The following ARSG variants were observed in gnomAD, a reference collection of about 807,000 sequenced individuals.
ARSG encodes arylsulfatase G, also known as ASG.
Under a neutral mutation model 50.5 loss-of-function variants are expected in ARSG, and 37 were observed. The observed-to-expected ratio is 0.73, with a 90% CI of 0.56 to 0.96. The LOEUF is 0.96. Among genes scored for constraint, ARSG ranks in the 50% least tolerant of loss-of-function variants. ARSG has a pLI of 0.00. For synonymous variants in ARSG, 225 were observed against 254.6 expected (o/e 0.88, Z 1.11); for missense variants, 629 against 675.3 (o/e 0.93, Z 0.76).
At chr17:68,437,424 A>G in the ARSG span, among the ~76,000 whole-genome samples, 2 of 151,862 alleles carry the variant, frequency 1.3e-5, no homozygotes, top group South Asian at 2.1e-4. Flanking sequence ...GTGTGGTTGC[A>G]TGTGCCTGTA....
chr17:68,356,844 T>C (rs1463506285), intron 6 of ARSG, 40 bp downstream of exon 6: 2 of 1,612,136 alleles, frequency 1.2e-6, no homozygotes, highest in East Asian at 2.2e-5. Context: ...TCCCCCTGCC[T>C]CCACCTACCC....
intron 2 of ARSG, among the ~76,000 whole-genome samples, chr17:68,337,769 C>T (rs1194135962): frequency 1.3e-5 from 2 of 151,896 alleles, no homozygotes; most frequent in Admixed American, 1.3e-4. Flanking sequence ...AGGCATGTGC[C>T]ACCACGCCCG....
chr17:68,395,059 T>C lies in ARSG; in HGVS notation c.1092-14T>C. The C allele has an allele frequency of 1.2e-6, 2 of 1,613,458 alleles. No individual in the cohort carries two copies. The highest frequency in any genetic ancestry group is 2.2e-5 in the South Asian group (2 of 91,006). On this transcript the variant is annotated splice_polypyrimidine_tract_variant and intron_variant, in intron 9 of 11. Coordinates refer to ENST00000621439, the MANE Select transcript of ARSG (RefSeq NM_001267727.2). ...AGAAGAGCTGGGGACAACTCAGTCTTGTTATTTCCGCAGCGTGCTGGACAT... is the reference window on the plus strand; with the variant it reads ...AGAAGAGCTGGGGACAACTCAGTCTCGTTATTTCCGCAGCGTGCTGGACAT...
At chr17:68,388,550 A>C (rs1248967121) in intron 9 of ARSG, among the ~76,000 whole-genome samples, 1 of 152,168 alleles carries the variant, frequency 6.6e-6, no homozygotes, top group Non-Finnish European at 1.5e-5. Context: ...TCTGCTCCGA[A>C]TGAGGATCGA....
At chr17:68,434,636 A>C in the ARSG span, 3 of 1,613,886 alleles carry the variant, frequency 1.9e-6, no homozygotes, top group Non-Finnish European at 2.5e-6. Context: ...CCTGGAAAAG[A>C]AAGCAGGTGG....
At chr17:68,364,768 G>A (rs1314897433) in intron 6 of ARSG, among the ~76,000 whole-genome samples, 2 of 152,200 alleles carry the variant, frequency 1.3e-5, no homozygotes, top group Non-Finnish European at 2.9e-5. Flanking sequence ...GAAAACAAAA[G>A]TGGAGTCACA....
At chr17:68,441,696 C>T in the ARSG span, among the ~76,000 whole-genome samples, 2 of 152,166 alleles carry the variant, frequency 1.3e-5, no homozygotes, top group African/African-American at 4.8e-5. Flanking sequence ...ACAGGGCGGA[C>T]CCACCTTTGC....
At chr17:68,439,917 C>T in the ARSG span, among the ~76,000 whole-genome samples, 1 of 152,130 alleles carries the variant, frequency 6.6e-6, no homozygotes, top group Non-Finnish European at 1.5e-5. Context: ...GAGAGCTAAG[C>T]AGTCTTGGAG....
intron 2 of ARSG, among the ~76,000 whole-genome samples, chr17:68,317,350 G>A (rs1555768886): frequency 6.6e-6 from 1 of 152,156 alleles, no homozygotes. Context: ...GGCCGAGAGA[G>A]ACGAAGTGTT....
chr17:68,385,942 G>A (rs1429439417), intron 9 of ARSG, among the ~76,000 whole-genome samples: 2 of 152,140 alleles, frequency 1.3e-5, no homozygotes, highest in Admixed American at 1.3e-4. Flanking sequence ...GGCCATTAGG[G>A]AAATAATGAA....
intron 2 of ARSG, among the ~76,000 whole-genome samples, chr17:68,338,980 T>A (rs537850232): frequency 6.6e-6 from 1 of 152,360 alleles, no homozygotes; most frequent in East Asian, 1.9e-4. Flanking sequence ...ATCCCTTTGT[T>A]ATAAATCAGT....
the ARSG span, among the ~76,000 whole-genome samples, chr17:68,451,257 C>T: frequency 6.6e-5 from 10 of 152,310 alleles, no homozygotes; most frequent in African/African-American, 2.2e-4. Context: ...ATGGCGAAAC[C>T]CCATCTCTAC....
chr17:68,273,952 C>T, intron 1 of ARSG: 1 of 1,614,146 alleles, frequency 6.2e-7, no homozygotes. Flanking sequence ...TGGCGACGTA[C>T]ATATGAGAAA....
In ARSG at chr17:68,356,653, T is replaced by C. The variant is rs1415932144; in HGVS notation, c.567-14T>C. The C allele has an allele frequency of 1.2e-6, 2 of 1,614,208 alleles. No individual in the cohort carries two copies. The highest frequency in any genetic ancestry group is 3.3e-5 in the Admixed American group (2 of 60,032). ...TAGGAAATGAATACTCTATGGTCTGTGGTTTCCACACAGGAACCTTCAAAG... is the reference window on the plus strand; with the variant it reads ...TAGGAAATGAATACTCTATGGTCTGCGGTTTCCACACAGGAACCTTCAAAG... On this transcript the variant is annotated splice_polypyrimidine_tract_variant and intron_variant, in intron 5 of 11. Transcript: ENST00000621439.
In ARSG at chr17:68,356,594, G is replaced by T. The variant is rs1413418109; in HGVS notation, c.567-73G>T. The T allele has an allele frequency of 1.9e-6, 3 of 1,548,114 alleles. No individual in the cohort carries two copies. The African/African-American group carries it at 4.1e-5, about 21-fold the overall frequency. ...TGTATTTATGTGCATATGCATTGTTGCATTAAAGCATTTAGTTCTGCTCCG... is the reference window on the plus strand; with the variant it reads ...TGTATTTATGTGCATATGCATTGTTTCATTAAAGCATTTAGTTCTGCTCCG... On this transcript the variant is annotated intron_variant, in intron 5 of 11. Transcript: ENST00000621439.
intron 2 of ARSG, among the ~76,000 whole-genome samples, chr17:68,313,683 C>T (rs11651513): frequency 0.8 from 101,035 of 127,006 alleles, 40,822 homozygotes; most frequent in Middle Eastern, 0.87. Flanking sequence ...CTCTCTCTCT[C>T]TTTTTTTTTT....
At position 68,338,431 on chromosome 17, in the gene ARSG, C is replaced by G. The variant is rs144180614; in HGVS notation, c.219-5173C>G. On this transcript the variant is annotated intron_variant, in intron 2 of 11. Transcript: ENST00000621439. ...TGGAGTGGGCGAGTCTCCCCTGCCCCTTCCCTTCAACTTTCAAGACAAGCT... is the reference window on the plus strand; with the variant it reads ...TGGAGTGGGCGAGTCTCCCCTGCCCGTTCCCTTCAACTTTCAAGACAAGCT... Among the ~76,000 whole-genome samples the G allele has an allele frequency of 8.5e-5, 13 of 152,274 alleles. No homozygotes were observed. In the East Asian group the frequency reaches 2.5e-3, roughly 29 times the overall value.
At chr17:68,363,633 AATTTTGT>A (rs1326801366) in intron 6 of ARSG, among the ~76,000 whole-genome samples, 7 of 151,676 alleles carry the variant, frequency 4.6e-5, no homozygotes, top group Non-Finnish European at 1.0e-4. Flanking sequence ...ATGCCCAGCT[AATTTTGT>A]ATTTTTAGTA....
rs1038207229 is a variant in ARSG, at chr17:68,395,286, A to C, written c.1212+93A>C. The C allele has an allele frequency of 6.4e-6, 10 of 1,558,556 alleles. No individual in the cohort carries two copies. In the South Asian group the frequency reaches 1.1e-4, roughly 18 times the overall value. ...GTGCAGACAGAACCATCATCAGAAG[A>C]TGGTCAAGAACAGGCTGCAGGTCGG... On this transcript the variant is annotated intron_variant, in intron 10 of 11. Transcript: ENST00000621439.
Sources: gnomAD v4.1 joint callset for allele counts (sites outside exome capture counted in the v4.1 genomes callset) on GRCh38, gnomAD v4.1.1 for gene constraint, MANE v1.5 for transcripts, NCBI Gene and HGNC (gene_info 2026-07-23, HGNC 2026-07-21) for gene names.